ETNK1: variants seen among roughly 807,000 people sequenced by gnomAD.
ETNK1 encodes putative protein product of Nbla10396.
In ETNK1, 8 loss-of-function variants were observed where a neutral mutation model predicts 45.1. That is an observed-to-expected ratio of 0.18 (90% CI 0.10 to 0.32). The LOEUF (loss-of-function observed/expected upper bound fraction) is 0.32. ETNK1 is among the 10% of genes least tolerant of loss of function. The pLI, the probability that ETNK1 is intolerant of heterozygous loss-of-function variation, is 1.00. For synonymous variants in ETNK1, 152 were observed against 151.9 expected (o/e 1.00, Z -0.01); for missense variants, 302 against 430.6 (o/e 0.70, Z 2.64).
At chr12:22,635,244 G>T (rs1592112248) in intron 1 of ETNK1, among the ~76,000 whole-genome samples, 1 of 152,186 alleles carries the variant, frequency 6.6e-6, no homozygotes, top group African/African-American at 2.4e-5. Flanking sequence ...TTCAGTATGT[G>T]TGTCATATGT....
At chr12:22,674,191 C>G (rs1954138370) in intron 6 of ETNK1, among the ~76,000 whole-genome samples, 1 of 152,128 alleles carries the variant, frequency 6.6e-6, no homozygotes, top group Non-Finnish European at 1.5e-5. Flanking sequence ...AGACCTACTT[C>G]TCTTTACATG....
chr12:22,628,949 G>T (rs1032751418), intron 1 of ETNK1, among the ~76,000 whole-genome samples: 1 of 152,076 alleles, frequency 6.6e-6, no homozygotes, highest in African/African-American at 2.4e-5. Flanking sequence ...AGAGCATGGG[G>T]TTTGAACACA....
At chr12:22,625,738 C>T (rs1953485130) in intron 1 of ETNK1, 152 bp downstream of exon 1, 1 of 1,131,060 alleles carries the variant, frequency 8.8e-7, no homozygotes, top group Admixed American at 2.0e-5. Context: ...TTTCCCCTCA[C>T]ACCTAGGAGG....
chr12:22,649,739 A>C (rs1324840090), intron 2 of ETNK1, among the ~76,000 whole-genome samples: 1 of 152,092 alleles, frequency 6.6e-6, no homozygotes, highest in Non-Finnish European at 1.5e-5. Flanking sequence ...ACATTTTAAA[A>C]TGGACTTTTT....
intron 1 of ETNK1, among the ~76,000 whole-genome samples, chr12:22,627,749 GT>G (rs569916043): frequency 6.6e-6 from 1 of 152,020 alleles, no homozygotes; most frequent in East Asian, 1.9e-4. Context: ...AATGTAGCCT[GT>G]TTTTTTCTCA....
intron 2 of ETNK1, chr12:22,656,600 C>T (rs943400747): frequency 7.1e-6 from 7 of 985,220 alleles, no homozygotes; most frequent in Non-Finnish European, 8.4e-6. Context: ...CAGACATTTG[C>T]CTCTCTTCAC....
intron 4 of ETNK1, 195 bp from the exon 5 acceptor site, chr12:22,671,077 G>A: frequency 1.9e-6 from 1 of 512,954 alleles, no homozygotes. Flanking sequence ...TGTTGACCAA[G>A]AGACATAATT....
At chr12:22,632,256 GA>G (rs1211450130) in intron 1 of ETNK1, among the ~76,000 whole-genome samples, 2 of 151,754 alleles carry the variant, frequency 1.3e-5, no homozygotes, top group South Asian at 4.1e-4. Context: ...CTGAATAGGA[GA>G]AAAAAATCAA....
At chr12:22,635,765 A>G (rs992655618) in intron 1 of ETNK1, among the ~76,000 whole-genome samples, 5 of 152,110 alleles carry the variant, frequency 3.3e-5, no homozygotes, top group Non-Finnish European at 7.4e-5. Context: ...TGTGTGTGTT[A>G]TTGCTATCTA....
At chr12:22,632,657 C>A (rs1303067646) in intron 1 of ETNK1, among the ~76,000 whole-genome samples, 1 of 151,946 alleles carries the variant, frequency 6.6e-6, no homozygotes, top group Non-Finnish European at 1.5e-5. Context: ...ACTAAAGGTG[C>A]ATGCCTGCCT....
At chr12:22,680,080 C>T (rs1258062541) in intron 6 of ETNK1, among the ~76,000 whole-genome samples, 5 of 152,296 alleles carry the variant, frequency 3.3e-5, no homozygotes, top group Non-Finnish European at 7.4e-5. Flanking sequence ...GTCTCTTAAT[C>T]TGGCTCCTCT....
At position 22,689,319 on chromosome 12, in the gene ETNK1, T is replaced by G. The variant is rs1270574663; in HGVS notation, c.*4365T>G. On this transcript the variant is annotated 3_prime_UTR_variant, in exon 8 of 8. Transcript: ENST00000266517. ...TTTTTGTAAGTTTCTCTCCTGAAAT[T>G]TTCTTTCTCTTCTATACTTTATGCA... The G allele has an allele frequency of 4.6e-5, 7 of 151,964 alleles. No individual in the cohort carries two copies. The highest frequency in any genetic ancestry group is 7.4e-5 in the Non-Finnish European group (5 of 67,854). The allele number at this position is 151,964 out of a possible 1,614,324, so 9.4% of individuals were successfully genotyped here.
intron 2 of ETNK1, chr12:22,656,620 G>C: frequency 1.0e-6 from 1 of 985,350 alleles, no homozygotes; most frequent in African/African-American, 1.7e-5. Context: ...CACCTGTTCT[G>C]AATCCAGCAT....
Position 22,655,367 on chromosome 12 carries a change from G to A in ETNK1, c.417-3647G>A, listed in dbSNP as rs28547537. 3.6e-3 allele frequency among the ~76,000 whole-genome samples: 477 copies of A among 133,464 alleles called. 4 individuals carry two copies. The highest frequency in any genetic ancestry group is 0.013 in the African/African-American group (466 of 35,836). 87.6% of individuals were successfully genotyped at this position (133,464 alleles called of 152,430 possible). A position where few individuals can be genotyped will look rare whatever the true frequency, so the allele number is the denominator to read the frequency against. On this transcript the variant is annotated intron_variant, in intron 2 of 7. Coordinates refer to ENST00000266517, the MANE Select transcript of ETNK1 (RefSeq NM_018638.5). ...TTTTTTTTTTTCGAGACGGAGTCTC[G>A]CTCTTGTTGCCCAGGCTGGAGTGCA...
chr12:22,667,813 C>A (rs1369086635), intron 4 of ETNK1, among the ~76,000 whole-genome samples: 1 of 151,958 alleles, frequency 6.6e-6, no homozygotes. Context: ...AATTATATAG[C>A]CTTGGGTAAT....
intron 2 of ETNK1, among the ~76,000 whole-genome samples, chr12:22,646,094 T>C (rs1269332484): frequency 6.6e-6 from 1 of 151,856 alleles, no homozygotes; most frequent in Admixed American, 6.6e-5. Flanking sequence ...CCCTGTATGA[T>C]AGGATATTGT....
intron 4 of ETNK1, among the ~76,000 whole-genome samples, chr12:22,663,961 A>G (rs1286402200): frequency 1.3e-5 from 2 of 151,978 alleles, no homozygotes; most frequent in African/African-American, 4.8e-5. Flanking sequence ...CTTCAAACAT[A>G]AGCATTAAGA....
At chr12:22,667,371 T>G (rs1474872613) in intron 4 of ETNK1, among the ~76,000 whole-genome samples, 4 of 152,198 alleles carry the variant, frequency 2.6e-5, no homozygotes, top group Non-Finnish European at 4.4e-5. Context: ...TTTAAATATT[T>G]CCTGTGTCCT....
Position 22,686,319 on chromosome 12 carries a change from T to G in ETNK1, c.*1365T>G, listed in dbSNP as rs903720846. ...GTAGTTGAGCAGTCATGGTTAACTT[T>G]ACTTAGAAAATTAGTCTGACAAGCT... On this transcript the variant is annotated 3_prime_UTR_variant, in exon 8 of 8. Coordinates refer to ENST00000266517, the MANE Select transcript of ETNK1 (RefSeq NM_018638.5). 6.6e-6 allele frequency: 1 copy of G among 152,374 alleles called. No homozygotes were observed. Among genetic ancestry groups the G allele is most frequent in the African/African-American group, 2.4e-5 (1 of 41,446 alleles). 9.4% of individuals were successfully genotyped at this position (152,374 alleles called of 1,614,324 possible).
Sources: gnomAD v4.1 joint callset for allele counts (sites outside exome capture counted in the v4.1 genomes callset) on GRCh38, gnomAD v4.1.1 for gene constraint, MANE v1.5 for transcripts, NCBI Gene and HGNC (gene_info 2026-07-23, HGNC 2026-07-21) for gene names.